LRGUK: variants seen among roughly 807,000 people sequenced by gnomAD.
LRGUK encodes the protein leucine rich repeats and guanylate kinase domain containing, also known as leucine-rich repeat and guanylate kinase domain-containing protein.
In LRGUK, 65 loss-of-function variants were observed where a neutral mutation model predicts 76.0. That is an observed-to-expected ratio of 0.85 (90% CI 0.70 to 1.05). The LOEUF is 1.05. LRGUK is among the 50% of genes least tolerant of loss of function. The probability of loss-of-function intolerance (pLI) is 0.00; values close to 1 mark genes in which losing one functional copy is unlikely to be tolerated. For missense variants in LRGUK, 758 were observed against 732.8 expected (o/e 1.03, Z -0.40); for synonymous variants, 268 against 265.6 (o/e 1.01, Z -0.09).
At chr7:134,131,286 T>C (rs538309299) in intron 1 of LRGUK, among the ~76,000 whole-genome samples, 1 of 152,340 alleles carries the variant, frequency 6.6e-6, no homozygotes, top group South Asian at 2.1e-4. Context: ...CAAAAAATTA[T>C]AGCTGCAATA....
chr7:134,236,386 A>G (rs995507860), intron 16 of LRGUK, among the ~76,000 whole-genome samples: 3 of 152,164 alleles, frequency 2.0e-5, no homozygotes, highest in Non-Finnish European at 2.9e-5. Context: ...TATTTACAGT[A>G]TCTTTTAATC....
exon 6 of LRGUK, chr7:134,158,069 G>A: frequency 6.2e-7 from 1 of 1,612,972 alleles, no homozygotes; most frequent in South Asian, 1.1e-5. Flanking sequence ...GACTAGAGAT[G>A]TGCAACAACC....
At chr7:134,198,405 C>T (rs572379688) in intron 13 of LRGUK, among the ~76,000 whole-genome samples, 7 of 152,256 alleles carry the variant, frequency 4.6e-5, no homozygotes, top group African/African-American at 1.2e-4. Context: ...CCCTGATTCT[C>T]CCCAGCTGAA....
At position 134,144,532 on chromosome 7, in the gene LRGUK, C is replaced by T. The variant is rs182861387; in HGVS notation, c.588+1370C>T. ...TTGTGATTAGTGTTGTTGTATTGGACTCAAATATTTAATTAAAAAGTCATT... is the reference window on the plus strand; with the variant it reads ...TTGTGATTAGTGTTGTTGTATTGGATTCAAATATTTAATTAAAAAGTCATT... On this transcript the variant is annotated intron_variant, in intron 4 of 15. Coordinates refer to ENST00000645682, the Ensembl canonical transcript of LRGUK. Among the ~76,000 whole-genome samples the T allele has an allele frequency of 4.7e-4, 71 of 152,264 alleles. 1 individual carries two copies. The highest frequency in any genetic ancestry group is 4.6e-3 in the Admixed American group (71 of 15,296).
intron 10 of LRGUK, among the ~76,000 whole-genome samples, chr7:134,182,560 C>T (rs1007676139): frequency 3.3e-5 from 5 of 152,216 alleles, no homozygotes; most frequent in Admixed American, 1.3e-4. Context: ...TGTGGGAATT[C>T]GGAGAGATTG....
At chr7:134,234,113 AAT>A (rs1049740030) in intron 16 of LRGUK, among the ~76,000 whole-genome samples, 5 of 152,152 alleles carry the variant, frequency 3.3e-5, no homozygotes, top group African/African-American at 4.8e-5. Context: ...TTTCATTTTC[AAT>A]ATGTCTTTTG....
intron 1 of LRGUK, among the ~76,000 whole-genome samples, chr7:134,136,483 T>C (rs1335432522): frequency 2.0e-5 from 3 of 152,166 alleles, no homozygotes; most frequent in African/African-American, 7.2e-5. Context: ...GGGCAAGCAG[T>C]CAAATGCAGT....
At chr7:134,163,692 T>G in intron 7 of LRGUK, 152 bp downstream of exon 7, 1 of 555,826 alleles carries the variant, frequency 1.8e-6, no homozygotes, top group Admixed American at 3.6e-5. Flanking sequence ...CTGGAGTAGT[T>G]GCAGAAGGGT....
In LRGUK at chr7:134,188,607, C is replaced by G. The variant is rs143570784; in HGVS notation, c.1335-3048C>G. On this transcript the variant is annotated intron_variant, in intron 11 of 15. Transcript: ENST00000645682. The stretch of plus-strand genomic sequence containing the variant: ...GTTTGATACTTAGATACAGTATGTG[C>G]TGGAATCTTTTGTGTGGAGGATCAC... Among the ~76,000 whole-genome samples the G allele has an allele frequency of 1.5e-4, 23 of 152,200 alleles. No homozygotes were observed. The East Asian group carries it at 4.3e-3, about 28-fold the overall frequency.
At chr7:134,170,408 T>C (rs1799191857) in intron 7 of LRGUK, among the ~76,000 whole-genome samples, 1 of 152,128 alleles carries the variant, frequency 6.6e-6, no homozygotes, top group Admixed American at 6.5e-5. Context: ...CATAATTTAT[T>C]TTATGGTACA....
At chr7:134,177,935 G>A (rs1563163923) in intron 9 of LRGUK, among the ~76,000 whole-genome samples, 1 of 152,088 alleles carries the variant, frequency 6.6e-6, no homozygotes, top group South Asian at 2.1e-4. Flanking sequence ...TAGAAGAATG[G>A]GAAAGACAAG....
chr7:134,183,827 A>T (rs756747892), exon 11 of LRGUK: 1 of 1,614,090 alleles, frequency 6.2e-7, no homozygotes, highest in South Asian at 1.1e-5. Flanking sequence ...GCCTCTGCAG[A>T]CAGTTTAGCA....
At chr7:134,146,017 A>G (rs1171864462) in intron 4 of LRGUK, among the ~76,000 whole-genome samples, 2 of 152,182 alleles carry the variant, frequency 1.3e-5, no homozygotes, top group Middle Eastern at 3.2e-3. Context: ...TGAGGCCTGT[A>G]ATCCCAGCAC....
At chr7:134,171,588 T>C (rs1452327031) in intron 7 of LRGUK, among the ~76,000 whole-genome samples, 1 of 151,960 alleles carries the variant, frequency 6.6e-6, no homozygotes, top group Non-Finnish European at 1.5e-5. Flanking sequence ...GAAGAGGAAG[T>C]CAACGTGCTT....
At chr7:134,232,753 A>G (rs1277077628) in intron 16 of LRGUK, among the ~76,000 whole-genome samples, 2 of 152,206 alleles carry the variant, frequency 1.3e-5, no homozygotes, top group African/African-American at 4.8e-5. Flanking sequence ...AATTCTTTCT[A>G]TAAATGTGAT....
At position 134,165,352 on chromosome 7, in the gene LRGUK, G is replaced by A. The variant is rs574663784; in HGVS notation, c.939+1812G>A. ...ATCCAGCAAATAGCAGAGCCAGCCT[G>A]CACATAGAGAATGGTTTGCCTCCGG... is the stretch of plus-strand genomic sequence containing the variant. On this transcript the variant is annotated intron_variant, in intron 7 of 15. Transcript: ENST00000645682. Among the ~76,000 whole-genome samples, 4 of 152,276 alleles carry A rather than the reference G, an allele frequency of 2.6e-5. No individual in the cohort carries two copies. The East Asian group carries it at 7.7e-4, about 29-fold the overall frequency.
chr7:134,134,940 A>G (rs1243154319), intron 1 of LRGUK, among the ~76,000 whole-genome samples: 1 of 152,148 alleles, frequency 6.6e-6, no homozygotes, highest in Non-Finnish European at 1.5e-5. Flanking sequence ...TTTCTCCAAA[A>G]TATTAAAAGA....
chr7:134,258,487 C>T (rs538826961), intron 19 of LRGUK, 82 bp downstream of exon 19: 1 of 1,357,856 alleles, frequency 7.4e-7, no homozygotes, highest in East Asian at 2.4e-5. Context: ...CTCCTGACGT[C>T]AGGAGTTCGA....
chr7:134,222,678 C>T (rs551150471), intron 16 of LRGUK, among the ~76,000 whole-genome samples: 2 of 151,666 alleles, frequency 1.3e-5, no homozygotes, highest in East Asian at 1.9e-4. Context: ...GTGTGATATC[C>T]GCTCATCGCA....
Sources: allele counts gnomAD v4.1 joint callset (sites outside exome capture counted in the v4.1 genomes callset), GRCh38; gene constraint gnomAD v4.1.1; transcripts MANE v1.5; gene names NCBI Gene and HGNC (gene_info 2026-07-23, HGNC 2026-07-21).